Variants in EVC observed in about 807,000 individuals in gnomAD.
The protein encoded by EVC is evC complex member EVC.
EVC carries 116 observed loss-of-function variants against 118.9 expected under a neutral mutation model. That is an observed-to-expected ratio of 0.98 (90% confidence interval 0.84 to 1.14). The LOEUF (loss-of-function observed/expected upper bound fraction) is 1.14. Among genes scored for constraint, EVC ranks in the 50% most tolerant of loss-of-function variants. The pLI is 0.00. For missense variants in EVC, 1,401 were observed against 1,246.4 expected (o/e 1.12, Z -1.87); for synonymous variants, 619 against 534.7 (o/e 1.16, Z -2.18).
rs927971517 is a variant in EVC, at chr4:5,738,420, T to C, written c.703-3296T>C. 6.6e-6 allele frequency among the ~76,000 whole-genome samples: 1 copy of C among 152,150 alleles called. No homozygotes were observed. Among genetic ancestry groups the C allele is most frequent in the Non-Finnish European group, 1.5e-5 (1 of 68,020 alleles). ...AAGTTCTACTGTGGGCAAATTGCTATCGAATAGCATGGCACGCTGCAGAGA... is the reference window on the plus strand; with the variant it reads ...AAGTTCTACTGTGGGCAAATTGCTACCGAATAGCATGGCACGCTGCAGAGA... On this transcript the variant is annotated intron_variant, in intron 5 of 20. Coordinates refer to ENST00000264956, the MANE Select transcript of EVC (RefSeq NM_153717.3). This position sits in a 1 kb window ranked among gnomAD's most constrained non-coding sequence, Gnocchi z 6.5.
intron 11 of EVC, among the ~76,000 whole-genome samples, chr4:5,759,334 G>A (rs531468159): frequency 1.4e-4 from 22 of 151,812 alleles, no homozygotes; most frequent in Middle Eastern, 3.4e-3. Flanking sequence ...TTTGGTCGCC[G>A]CATCCCAAGG....
chr4:5,753,403 C>A (rs186349831), intron 9 of EVC, among the ~76,000 whole-genome samples: 1 of 152,210 alleles, frequency 6.6e-6, no homozygotes, highest in Admixed American at 6.5e-5. Flanking sequence ...ACAAAGTGGT[C>A]CCTGTCGCCC....
the EVC span, chr4:5,821,092 G>A: frequency 1.3e-5 from 2 of 152,370 alleles, no homozygotes; most frequent in African/African-American, 4.8e-5. This position sits in a 1 kb window ranked among gnomAD's most constrained non-coding sequence, Gnocchi z 4.4. Flanking sequence ...ACAGCACGGT[G>A]AGTTACAAGT....
At chr4:5,778,728 T>G (rs1159612098) in intron 11 of EVC, among the ~76,000 whole-genome samples, 2 of 152,208 alleles carry the variant, frequency 1.3e-5, no homozygotes, top group African/African-American at 4.8e-5. Context: ...TCATTGTAGA[T>G]TCTGGATATT....
chr4:5,764,149 A>G (rs1394159280), intron 11 of EVC, among the ~76,000 whole-genome samples: 73 of 143,176 alleles, frequency 5.1e-4, no homozygotes, highest in African/African-American at 1.9e-3. Context: ...TTCTGCATCT[A>G]TTGAGATAAT....
chr4:5,723,005 T>C (rs1386164492), intron 2 of EVC, among the ~76,000 whole-genome samples: 2 of 152,120 alleles, frequency 1.3e-5, no homozygotes, highest in African/African-American at 4.8e-5. Flanking sequence ...GCATCCTTCA[T>C]CCCCTGGCAG....
chr4:5,713,430 C>G (rs1723376096), intron 1 of EVC, among the ~76,000 whole-genome samples: 1 of 152,164 alleles, frequency 6.6e-6, no homozygotes, highest in Admixed American at 6.5e-5. Context: ...GTCACCCCAG[C>G]ACTTTGGGAG....
Position 5,810,280 on chromosome 4 carries a change from A to G in EVC, c.2783-59A>G, listed in dbSNP as rs7665344. ...CAGGCTGGGTTGGTGTGAGGCTGCA[A>G]GAAGTTGTCACTTGTCTAAAGTCAC... On this transcript the variant is annotated intron_variant, in intron 19 of 20. Transcript: ENST00000264956. 1.6e-4 allele frequency: 219 copies of G among 1,387,300 alleles called. No individual in the cohort carries two copies. The African/African-American group carries it at 2.8e-3, about 18-fold the overall frequency. 85.9% of individuals were successfully genotyped at this position (1,387,300 alleles called of 1,614,324 possible). A position where few individuals can be genotyped will look rare whatever the true frequency, so the allele number is the denominator to read the frequency against.
intron 8 of EVC, among the ~76,000 whole-genome samples, chr4:5,751,859 C>T (rs57417091): frequency 0.026 from 3,988 of 152,178 alleles, 153 homozygotes; most frequent in African/African-American, 0.089. Flanking sequence ...AGGAAGGCCC[C>T]GCATGTGCAG....
At chr4:5,825,530 T>C in the EVC span, 3 of 1,581,188 alleles carry the variant, frequency 1.9e-6, no homozygotes, top group African/African-American at 2.8e-5. The surrounding 1 kb of genome is among the most constrained non-coding windows in gnomAD (Gnocchi z 4.4). Context: ...AGGTTTCTGA[T>C]GGGTGGGGGC....
downstream of EVC, among the ~76,000 whole-genome samples, chr4:5,818,958 A>G (rs543317505): frequency 7.0e-4 from 106 of 152,296 alleles, 1 homozygote; most frequent in Non-Finnish European, 1.2e-3. Context: ...ATTGTTCAAC[A>G]TTGATTTGGC....
intron 9 of EVC, 72 bp from the exon 10 acceptor site, chr4:5,753,713 A>C (rs1730743941): frequency 6.3e-7 from 1 of 1,596,392 alleles, no homozygotes; most frequent in East Asian, 2.2e-5. Context: ...AGACAGGAGA[A>C]AGCATGAGGG....
At chr4:5,727,095 G>C (rs1193282230) in intron 2 of EVC, among the ~76,000 whole-genome samples, 3 of 152,100 alleles carry the variant, frequency 2.0e-5, no homozygotes, top group Non-Finnish European at 2.9e-5. Context: ...CCAGTAATGG[G>C]GTGGCTGGGT....
intron 11 of EVC, among the ~76,000 whole-genome samples, chr4:5,766,737 C>G (rs2152161631): frequency 7.5e-6 from 1 of 133,532 alleles, no homozygotes; most frequent in South Asian, 2.7e-4. Context: ...GTTCTCGAGC[C>G]TTGGTTTTCA....
the EVC span, chr4:5,821,428 A>G: frequency 3.0e-6 from 1 of 337,420 alleles, no homozygotes; most frequent in Non-Finnish European, 5.5e-6. This position sits in a 1 kb window ranked among gnomAD's most constrained non-coding sequence, Gnocchi z 4.4. Context: ...CAAAGGAACC[A>G]CCACTCAGAG....
At chr4:5,804,483 C>T (rs1261689449) in intron 16 of EVC, among the ~76,000 whole-genome samples, 3 of 152,150 alleles carry the variant, frequency 2.0e-5, no homozygotes, top group African/African-American at 7.2e-5. Context: ...ACCCATTTCT[C>T]CTGATACAAG....
intron 4 of EVC, among the ~76,000 whole-genome samples, chr4:5,732,515 A>G (rs1726985548): frequency 6.6e-6 from 1 of 152,240 alleles, no homozygotes; most frequent in Non-Finnish European, 1.5e-5. Context: ...TGGGAGAGTC[A>G]TCATTTAAAA....
At chr4:5,781,071 G>GTCCAGAC (rs756565822) in intron 11 of EVC, among the ~76,000 whole-genome samples, 19 of 152,166 alleles carry the variant, frequency 1.2e-4, no homozygotes, top group Non-Finnish European at 2.4e-4. Flanking sequence ...CGTACCAAGA[G>GTCCAGAC]TCCAGACTCC....
At chr4:5,748,680 C>G (rs1489533557) in intron 8 of EVC, among the ~76,000 whole-genome samples, 1 of 102,170 alleles carries the variant, frequency 9.8e-6, no homozygotes, top group Non-Finnish European at 1.9e-5. Flanking sequence ...ATCCATCCAT[C>G]CACCCACCCA....
Sources: allele counts gnomAD v4.1 joint callset (sites outside exome capture counted in the v4.1 genomes callset), GRCh38; gene constraint gnomAD v4.1.1; non-coding constraint Gnocchi (gnomAD v3.1); transcripts MANE v1.5; gene names NCBI Gene and HGNC (gene_info 2026-07-23, HGNC 2026-07-21).